The following ATP10B variants were observed in gnomAD, a reference collection of about 807,000 sequenced individuals.
ATP10B encodes phospholipid-transporting ATPase VB.
Under a neutral mutation model 141.2 loss-of-function variants are expected in ATP10B, and 122 were observed. The ratio of observed to expected loss-of-function variants is 0.86; its 90% confidence interval spans 0.75 to 1.00. ATP10B has a LOEUF of 1.00. Among genes scored for constraint, ATP10B ranks in the 50% least tolerant of loss-of-function variants. The pLI, the probability that ATP10B is intolerant of heterozygous loss-of-function variation, is 0.00. For synonymous variants in ATP10B, 685 were observed against 692.0 expected, an observed-to-expected ratio of 0.99 and a Z score of 0.16; for missense variants, 1,876 against 1,825.3, an observed-to-expected ratio of 1.03 and a Z score of -0.51.
chr5:160,878,658 C>G, the ATP10B span, among the ~76,000 whole-genome samples: 44 of 152,212 alleles, frequency 2.9e-4, no homozygotes, highest in South Asian at 3.1e-3. Context: ...CTAATATCCA[C>G]AATCTACAAT....
the ATP10B span, among the ~76,000 whole-genome samples, chr5:160,916,770 G>A: frequency 6.6e-6 from 1 of 152,210 alleles, no homozygotes; most frequent in Admixed American, 6.5e-5. Context: ...AATAGCCTGA[G>A]GAGGACCATC....
At chr5:160,691,466 A>G (rs1279190135) in intron 3 of ATP10B, among the ~76,000 whole-genome samples, 1 of 152,216 alleles carries the variant, frequency 6.6e-6, no homozygotes, top group East Asian at 1.9e-4. Context: ...TTTTTCTTAA[A>G]GACCCAGAAG....
chr5:160,653,532 T>G (rs552915743), intron 7 of ATP10B, among the ~76,000 whole-genome samples: 1 of 136,152 alleles, frequency 7.3e-6, no homozygotes, highest in African/African-American at 2.7e-5. Context: ...TATACATATA[T>G]TACATATACA....
At chr5:160,860,131 C>T in the ATP10B span, among the ~76,000 whole-genome samples, 1 of 151,604 alleles carries the variant, frequency 6.6e-6, no homozygotes, top group African/African-American at 2.4e-5. Flanking sequence ...AATTGTCTGC[C>T]CAGGGTTCTT....
intron 2 of ATP10B, among the ~76,000 whole-genome samples, chr5:160,775,903 G>A (rs896946571): frequency 6.6e-6 from 1 of 151,982 alleles, no homozygotes; most frequent in African/African-American, 2.4e-5. Flanking sequence ...GGATGGTCTT[G>A]ATCTCCTGAC....
intron 3 of ATP10B, among the ~76,000 whole-genome samples, chr5:160,708,321 C>T (rs946871985): frequency 3.9e-5 from 6 of 152,124 alleles, no homozygotes; most frequent in African/African-American, 1.2e-4. Flanking sequence ...CAACCCCCGC[C>T]CCCTTCCAAT....
At chr5:160,652,172 G>A (rs1760786135) in intron 7 of ATP10B, among the ~76,000 whole-genome samples, 4 of 152,134 alleles carry the variant, frequency 2.6e-5, no homozygotes, top group Admixed American at 2.6e-4. Context: ...CTTTCCTGCT[G>A]AGCACAGGAC....
intron 1 of ATP10B, among the ~76,000 whole-genome samples, chr5:160,828,835 A>T (rs1002638926): frequency 3.4e-4 from 51 of 151,406 alleles, no homozygotes; most frequent in Middle Eastern, 3.4e-3. Context: ...AGACTGGATT[A>T]AGAAAATGTG....
At chr5:160,899,960 C>T in the ATP10B span, among the ~76,000 whole-genome samples, 1 of 152,332 alleles carries the variant, frequency 6.6e-6, no homozygotes, top group South Asian at 2.1e-4. Context: ...AAGGAATCCC[C>T]CATCAGCCAC....
chr5:160,855,727 A>C (rs1158827117), upstream of ATP10B, among the ~76,000 whole-genome samples: 1 of 151,872 alleles, frequency 6.6e-6, no homozygotes, highest in African/African-American at 2.4e-5. Context: ...TTTATGAATT[A>C]CATTTAAGTC....
At chr5:160,838,669 G>T (rs1017595772) in intron 1 of ATP10B, among the ~76,000 whole-genome samples, 3 of 152,150 alleles carry the variant, frequency 2.0e-5, no homozygotes, top group Non-Finnish European at 4.4e-5. Flanking sequence ...CAACCATTAT[G>T]CTAGACACCA....
chr5:160,655,265 AATTTTT>A (rs1276219711), intron 7 of ATP10B, among the ~76,000 whole-genome samples: 4 of 152,008 alleles, frequency 2.6e-5, no homozygotes, highest in East Asian at 1.9e-4. Flanking sequence ...TTTTTTTGAT[AATTTTT>A]ATTTTTAAGC....
rs1270182920 is a variant in ATP10B at position 160,563,231 on chromosome 5, GT to G, written c.*2221del. 8 of 152,298 alleles carry G rather than the reference GT, an allele frequency of 5.3e-5. No homozygotes were observed. The highest frequency in any genetic ancestry group is 1.9e-4 in the African/African-American group (8 of 41,568). The allele number at this position is 152,298 out of a possible 1,614,324, so 9.4% of individuals were successfully genotyped here. ...TACTAAGTACAATCATTAGCATTAT[GT>G]TATAGGGGAATAGTGGTTATAACTT... On this transcript the variant is annotated 3_prime_UTR_variant, in exon 26 of 26. Transcript: ENST00000327245.
intron 1 of ATP10B, among the ~76,000 whole-genome samples, chr5:160,837,858 G>A (rs1305042056): frequency 1.3e-5 from 2 of 152,048 alleles, no homozygotes; most frequent in African/African-American, 4.8e-5. Flanking sequence ...AGCTCACCAA[G>A]ACACAATAAC....
chr5:160,571,342 C>T (rs1754862315), intron 24 of ATP10B, among the ~76,000 whole-genome samples: 2 of 152,110 alleles, frequency 1.3e-5, no homozygotes, highest in African/African-American at 4.8e-5. Flanking sequence ...ATTAAGCCAA[C>T]CATTGAAACT....
the ATP10B span, among the ~76,000 whole-genome samples, chr5:160,866,871 C>G: frequency 1.3e-5 from 2 of 151,980 alleles, no homozygotes; most frequent in East Asian, 3.9e-4. Flanking sequence ...CCTGTACCCC[C>G]CAAACTGTTA....
intron 12 of ATP10B, chr5:160,632,735 T>C (rs1384382242): frequency 1.8e-5 from 3 of 169,712 alleles, no homozygotes; most frequent in African/African-American, 7.2e-5. Context: ...GTGGCTCTTA[T>C]TATTATTACA....
Position 160,660,035 on chromosome 5 carries a change from A to G in ATP10B, c.675+10428T>C, listed in dbSNP as rs1402637318. On this transcript the variant is annotated intron_variant, in intron 7 of 25. Coordinates refer to ENST00000327245, the MANE Select transcript of ATP10B (RefSeq NM_025153.3). ...CCTCATAGAATTTCTGTGAGTGTTAAATATCAAAAGGGGGTGGTGTAATGC... is the reference window on the plus strand; with the variant it reads ...CCTCATAGAATTTCTGTGAGTGTTAGATATCAAAAGGGGGTGGTGTAATGC... Among the ~76,000 whole-genome samples, 3 of 152,282 alleles carry G rather than the reference A, an allele frequency of 2.0e-5. No individual in the cohort carries two copies. In the East Asian group the frequency reaches 5.8e-4, roughly 29 times the overall value.
intron 1 of ATP10B, among the ~76,000 whole-genome samples, chr5:160,800,868 TC>T (rs1772329992): frequency 6.6e-6 from 1 of 152,210 alleles, no homozygotes; most frequent in East Asian, 1.9e-4. Flanking sequence ...GGCCTACTCT[TC>T]CAGGAAGCTT....
Sources: gnomAD v4.1 joint callset for allele counts (sites outside exome capture counted in the v4.1 genomes callset) on GRCh38, gnomAD v4.1.1 for gene constraint, MANE v1.5 for transcripts, NCBI Gene and HGNC (gene_info 2026-07-23, HGNC 2026-07-21) for gene names.